Variants in PCDH11X observed in about 807,000 individuals in gnomAD.
PCDH11X encodes the protein protocadherin 11 X-linked, also known as protocadherin-11 X-linked.
A neutral mutation model predicts 53.3 loss-of-function variants in PCDH11X; 18 were observed. That is an observed-to-expected ratio of 0.34 (90% CI 0.23 to 0.50). PCDH11X has a LOEUF of 0.50. PCDH11X is among the 20% of genes least tolerant of loss of function. The pLI is 0.98. For missense variants in PCDH11X, 570 were observed against 1,032.4 expected (o/e 0.55, Z 6.14); for synonymous variants, 279 against 393.3 (o/e 0.71, Z 3.44).
chrX:92,242,715 T>G lies in PCDH11X; in HGVS notation c.3115-20399T>G, dbSNP rs777054446. On this transcript the variant is annotated intron_variant, in intron 7 of 10. Transcript: ENST00000682573. The stretch of plus-strand genomic sequence containing the variant: ...TTCCAGAATGTCTATACCACTTTAT[T>G]GCCATCAGCAATGTATGCTTGATTC... 1.3e-4 allele frequency among the ~76,000 whole-genome samples: 14 copies of G among 111,646 alleles called. No homozygotes were observed. In the South Asian group the frequency reaches 5.2e-3, roughly 42 times the overall value.
At chrX:92,020,939 C>A (rs978249229) in intron 6 of PCDH11X, among the ~76,000 whole-genome samples, 31 of 110,333 alleles carry the variant, frequency 2.8e-4, no homozygotes, top group African/African-American at 9.9e-4. Context: ...CCCCAGAAAA[C>A]CCCAACTTCC....
At chrX:92,041,580 G>A (rs1317043891) in intron 6 of PCDH11X, among the ~76,000 whole-genome samples, 1 of 111,755 alleles carries the variant, frequency 8.9e-6, no homozygotes, top group Non-Finnish European at 1.9e-5. Context: ...ATAATTCTGA[G>A]TTCTATTCCT....
chrX:91,984,757 G>T (rs1035138759), intron 6 of PCDH11X, among the ~76,000 whole-genome samples: 3 of 111,631 alleles, frequency 2.7e-5, no homozygotes, highest in Non-Finnish European at 5.6e-5. Context: ...CCCATCCAGA[G>T]ACCAGACTAA....
At chrX:91,873,169 C>T (rs1939415146) in intron 5 of PCDH11X, among the ~76,000 whole-genome samples, 1 of 108,695 alleles carries the variant, frequency 9.2e-6, no homozygotes, top group African/African-American at 3.3e-5. Context: ...ATGCAATCAC[C>T]TGGCTAATCA....
At chrX:92,154,345 A>G (rs1170911507) in intron 6 of PCDH11X, among the ~76,000 whole-genome samples, 2 of 110,496 alleles carry the variant, frequency 1.8e-5, no homozygotes, top group African/African-American at 3.4e-5. Context: ...TACATGACAC[A>G]TGAGTTAAAT....
chrX:91,895,542 A>C (rs1159779019), intron 6 of PCDH11X, among the ~76,000 whole-genome samples: 1 of 110,606 alleles, frequency 9.0e-6, no homozygotes, highest in African/African-American at 3.3e-5. Flanking sequence ...TGGTCCTTGC[A>C]CAAGTTATCA....
At chrX:92,052,508 G>A (rs1389171926) in intron 6 of PCDH11X, among the ~76,000 whole-genome samples, 2 of 64,980 alleles carry the variant, frequency 3.1e-5, no homozygotes, top group Non-Finnish European at 5.7e-5. Context: ...ATAATAATAA[G>A]TATTGTCCAG....
chrX:92,569,705 G>A (rs7889336), intron 10 of PCDH11X: 3,867 of 236,714 alleles, frequency 0.016, 166 homozygotes, highest in African/African-American at 0.11. Flanking sequence ...ATTTCTTTGA[G>A]TAAATTAACA....
chrX:92,481,877 G>C (rs760304553), intron 10 of PCDH11X, among the ~76,000 whole-genome samples: 2 of 102,741 alleles, frequency 1.9e-5, no homozygotes, highest in East Asian at 6.2e-4. Context: ...GGTCCATGGT[G>C]AGTGCTAATT....
intron 9 of PCDH11X, among the ~76,000 whole-genome samples, chrX:92,406,902 G>A (rs1285141169): frequency 1.0e-5 from 1 of 98,189 alleles, no homozygotes; most frequent in Non-Finnish European, 2.0e-5. Context: ...ACTCCAGCCC[G>A]GGCAACAGAG....
In PCDH11X at chrX:92,420,133, G is replaced by C. The variant is rs191617946; in HGVS notation, c.3343+32200G>C. Among the ~76,000 whole-genome samples the C allele has an allele frequency of 7.6e-3, 851 of 111,367 alleles. 8 individuals carry two copies. Among genetic ancestry groups the C allele is most frequent in the African/African-American group, 0.027 (816 of 30,648 alleles). ...TACCTAACCTTTCACAGTTTACTCAGAGTTATATTTTACTACCATAGTAAA... is the reference window on the plus strand; with the variant it reads ...TACCTAACCTTTCACAGTTTACTCACAGTTATATTTTACTACCATAGTAAA... On this transcript the variant is annotated intron_variant, in intron 9 of 10. Transcript: ENST00000682573.
intron 8 of PCDH11X, among the ~76,000 whole-genome samples, chrX:92,321,246 G>A (rs756161222): frequency 7.5e-4 from 74 of 99,071 alleles, no homozygotes; most frequent in Non-Finnish European, 1.2e-3. Context: ...AGGCTGGAGT[G>A]CAGTGGCGCA....
chrX:92,418,052 G>A (rs1270582204), intron 9 of PCDH11X, among the ~76,000 whole-genome samples: 2 of 108,335 alleles, frequency 1.8e-5, no homozygotes, highest in Non-Finnish European at 3.8e-5. Flanking sequence ...ATATATATTG[G>A]TGTATACCTA....
At chrX:92,221,274 A>G (rs1304086794) in intron 7 of PCDH11X, among the ~76,000 whole-genome samples, 4 of 59,272 alleles carry the variant, frequency 6.7e-5, no homozygotes, top group Non-Finnish European at 9.7e-5. Context: ...AAAACATTGT[A>G]TACAACACAC....
intron 7 of PCDH11X, among the ~76,000 whole-genome samples, chrX:92,211,489 A>G (rs1277203346): frequency 1.8e-5 from 2 of 112,106 alleles, no homozygotes; most frequent in African/African-American, 6.5e-5. Flanking sequence ...CTGCTATGAT[A>G]ATCTTTAATG....
intron 9 of PCDH11X, among the ~76,000 whole-genome samples, chrX:92,426,370 A>G (rs1251148712): frequency 3.8e-5 from 4 of 105,165 alleles, no homozygotes; most frequent in Non-Finnish European, 5.9e-5. Context: ...TCTTTAAAAA[A>G]CAATGCAAGG....
At chrX:92,259,295 G>T (rs1603238415) in intron 7 of PCDH11X, among the ~76,000 whole-genome samples, 1 of 110,914 alleles carries the variant, frequency 9.0e-6, no homozygotes, top group Middle Eastern at 4.6e-3. Flanking sequence ...AAATATCGGA[G>T]ACTGGGTGAT....
chrX:91,808,616 C>A (rs1407123241), intron 1 of PCDH11X, among the ~76,000 whole-genome samples: 3 of 110,704 alleles, frequency 2.7e-5, no homozygotes, highest in African/African-American at 9.9e-5. Context: ...TATCTACTTT[C>A]TCAAAGTATT....
rs567132851 is a variant in PCDH11X at position 91,903,893 on chromosome X, A to G, written c.3033+24620A>G. 1.4e-3 allele frequency among the ~76,000 whole-genome samples: 157 copies of G among 110,557 alleles called. 3 individuals carry two copies. The South Asian group carries it at 0.06, about 43-fold the overall frequency. On this transcript the variant is annotated intron_variant, in intron 6 of 10. Transcript: ENST00000682573. The stretch of plus-strand genomic sequence containing the variant: ...GGGAAATGAAAATAGGGACTAACGA[A>G]TGAGATGGTGGAGGGGATCAAGTAG...
Sources: gnomAD v4.1 joint callset for allele counts (sites outside exome capture counted in the v4.1 genomes callset) on GRCh38, gnomAD v4.1.1 for gene constraint, MANE v1.5 for transcripts, NCBI Gene and HGNC (gene_info 2026-07-23, HGNC 2026-07-21) for gene names.